Variants in RHOBTB3 observed in about 807,000 individuals in gnomAD.
RHOBTB3 encodes the protein Rho related BTB domain containing 3.
RHOBTB3 carries 47 observed loss-of-function variants against 67.2 expected under a neutral mutation model. The observed-to-expected ratio is 0.70, with a 90% CI of 0.55 to 0.89. The LOEUF is 0.89. Among genes scored for constraint, RHOBTB3 ranks in the 40% least tolerant of loss-of-function variants. The probability of loss-of-function intolerance (pLI) is 0.00; values close to 1 mark genes in which losing one functional copy is unlikely to be tolerated. For synonymous variants in RHOBTB3, 273 were observed against 274.2 expected, an observed-to-expected ratio of 1.00 and a Z score of 0.04; for missense variants, 631 against 750.0, an observed-to-expected ratio of 0.84 and a Z score of 1.85.
At chr5:95,771,213 T>G (rs928844169) in intron 8 of RHOBTB3, among the ~76,000 whole-genome samples, 7 of 152,242 alleles carry the variant, frequency 4.6e-5, no homozygotes, top group African/African-American at 1.7e-4. Context: ...TACCTTCAGT[T>G]AGGCAAGAAA....
intron 8 of RHOBTB3, among the ~76,000 whole-genome samples, chr5:95,771,080 T>G (rs1391651664): frequency 6.6e-6 from 1 of 152,242 alleles, no homozygotes; most frequent in Non-Finnish European, 1.5e-5. Flanking sequence ...GATGAGAAGT[T>G]AAGAAGCAGC....
intron 1 of RHOBTB3, chr5:95,719,822 G>A (rs949407297): frequency 6.6e-6 from 1 of 152,214 alleles, no homozygotes; most frequent in African/African-American, 2.4e-5. Flanking sequence ...GGCATAAATT[G>A]GCTTAATGCA....
chr5:95,755,590 A>G lies in RHOBTB3; in HGVS notation c.877A>G (p.Ile293Val), dbSNP rs146973484. ...TTTCAATGTGAAGAGTCCCACTGAC[A>G]TTCAGGATTCCAGTATCATCCGAAC... ...LLFNVKSPTDIQDSSIIRTTQ... is the reference protein window; with the variant it reads ...LLFNVKSPTDVQDSSIIRTTQ... The change falls in exon 6 of 12, where the codon ATT becomes GTT. Residue 293 changes from isoleucine to valine, a missense_variant. Ile to Val is a conservative substitution (Grantham distance 29, BLOSUM62 3). Coordinates refer to ENST00000379982, the MANE Select transcript of RHOBTB3 (RefSeq NM_014899.4). The G allele has an allele frequency of 6.2e-6, 10 of 1,614,016 alleles. No homozygotes were observed. The African/African-American group carries it at 8.0e-5, about 13-fold the overall frequency.
chr5:95,741,523 GTTTTTTTTTTTT>G (rs70978191), intron 3 of RHOBTB3, among the ~76,000 whole-genome samples: 6 of 84,852 alleles, frequency 7.1e-5, no homozygotes, highest in Admixed American at 3.1e-4. Flanking sequence ...CTTTCTTTCT[GTTTTTTTTTTTT>G]TTTTTTTTTA....
intron 10 of RHOBTB3, among the ~76,000 whole-genome samples, chr5:95,785,671 T>G (rs1023673344): frequency 2.6e-5 from 4 of 152,208 alleles, no homozygotes; most frequent in African/African-American, 9.6e-5. Context: ...ATAGCTCCCC[T>G]CTAAATTTAG....
chr5:95,777,864 G>A (rs1335894666), intron 8 of RHOBTB3, among the ~76,000 whole-genome samples: 2 of 152,122 alleles, frequency 1.3e-5, no homozygotes, highest in Non-Finnish European at 2.9e-5. Flanking sequence ...CGCCTGTAAT[G>A]CCGGCACTTT....
intron 8 of RHOBTB3, among the ~76,000 whole-genome samples, chr5:95,773,499 G>A (rs1200321708): frequency 6.6e-6 from 1 of 152,178 alleles, no homozygotes; most frequent in Admixed American, 6.5e-5. Flanking sequence ...CTCAGGATGG[G>A]CCCCAGTTCC....
intron 8 of RHOBTB3, among the ~76,000 whole-genome samples, chr5:95,776,423 A>C (rs1017336286): frequency 6.6e-6 from 1 of 151,984 alleles, no homozygotes; most frequent in African/African-American, 2.4e-5. Flanking sequence ...AATAAAAATA[A>C]AAAATAAAAA....
chr5:95,779,138 T>C (rs1745977435), intron 8 of RHOBTB3, among the ~76,000 whole-genome samples: 1 of 152,360 alleles, frequency 6.6e-6, no homozygotes, highest in African/African-American at 2.4e-5. Flanking sequence ...GAGAAGACTA[T>C]ATATCCCTGA....
intron 3 of RHOBTB3, among the ~76,000 whole-genome samples, chr5:95,743,808 A>C (rs1362490405): frequency 1.4e-5 from 2 of 147,722 alleles, no homozygotes; most frequent in Non-Finnish European, 1.5e-5. Context: ...CCTCAGGTTC[A>C]AGTGATTCTC....
At chr5:95,783,315 G>C (rs1746116976) in intron 9 of RHOBTB3, among the ~76,000 whole-genome samples, 1 of 151,346 alleles carries the variant, frequency 6.6e-6, no homozygotes, top group Non-Finnish European at 1.5e-5. Flanking sequence ...GTAGAGATGA[G>C]GTTTCACCAT....
At chr5:95,731,274 G>T (rs982378105), upstream of RHOBTB3, 9 of 1,015,332 alleles carry the variant, frequency 8.9e-6, no homozygotes, top group Non-Finnish European at 1.1e-5. Flanking sequence ...CTGAGGGGGC[G>T]GAGGCCCCGA....
upstream of RHOBTB3, chr5:95,731,136 C>A (rs1755220186): frequency 4.9e-6 from 5 of 1,018,400 alleles, no homozygotes; most frequent in South Asian, 1.4e-4. Flanking sequence ...ATTTATATTC[C>A]GCGGCGCCCC....
At chr5:95,786,681 T>C (rs1746232302) in intron 10 of RHOBTB3, among the ~76,000 whole-genome samples, 1 of 152,262 alleles carries the variant, frequency 6.6e-6, no homozygotes, top group South Asian at 2.1e-4. Flanking sequence ...GTTGTATTTC[T>C]GAGAGTTTCC....
At chr5:95,763,252 T>G in intron 6 of RHOBTB3, among the ~76,000 whole-genome samples, 1 of 152,224 alleles carries the variant, frequency 6.6e-6, no homozygotes. Flanking sequence ...TATCACTAGC[T>G]GCCCACCTAT....
chr5:95,776,428 T>C (rs893576230), intron 8 of RHOBTB3, among the ~76,000 whole-genome samples: 2 of 151,838 alleles, frequency 1.3e-5, no homozygotes, highest in South Asian at 4.2e-4. Context: ...AAATAAAAAA[T>C]AAAAAAATAA....
intron 9 of RHOBTB3, 60 bp from the exon 10 acceptor site, chr5:95,783,737 T>A (rs1436499478): frequency 6.9e-7 from 1 of 1,457,088 alleles, no homozygotes; most frequent in African/African-American, 1.4e-5. Flanking sequence ...TGGGGGGTGT[T>A]TAGATCATTA....
At chr5:95,788,640 A>C in intron 10 of RHOBTB3, 122 bp from the exon 11 acceptor site, 1 of 631,808 alleles carries the variant, frequency 1.6e-6, no homozygotes, top group East Asian at 3.2e-5. Context: ...AAGCTGCATC[A>C]GGTAAAGGCA....
intron 2 of RHOBTB3, among the ~76,000 whole-genome samples, chr5:95,736,627 A>G (rs1024146024): frequency 6.6e-6 from 1 of 152,212 alleles, no homozygotes; most frequent in South Asian, 2.1e-4. Context: ...TTTTAAGTGC[A>G]AATAGTGAAA....
Sources: gnomAD v4.1 joint callset for allele counts (sites outside exome capture counted in the v4.1 genomes callset) on GRCh38, gnomAD v4.1.1 for gene constraint, MANE v1.5 for transcripts, NCBI Gene and HGNC (gene_info 2026-07-23, HGNC 2026-07-21) for gene names.